MAPRE2: variants seen among roughly 807,000 people sequenced by gnomAD.
MAPRE2 encodes microtubule associated protein RP/EB family member 2, also known as microtubule-associated protein RP/EB family member 2.
A neutral mutation model predicts 43.2 loss-of-function variants in MAPRE2; 13 were observed. The observed-to-expected ratio is 0.30, with a 90% CI of 0.20 to 0.48. MAPRE2 has a LOEUF of 0.48. MAPRE2 is among the 20% of genes least tolerant of loss of function. The pLI is 0.99. For synonymous variants in MAPRE2, 135 were observed against 148.8 expected (o/e 0.91, Z 0.68); for missense variants, 161 against 400.2 (o/e 0.40, Z 5.10).
At chr18:35,078,607 G>C (rs1907484249) in intron 2 of MAPRE2, among the ~76,000 whole-genome samples, 1 of 152,180 alleles carries the variant, frequency 6.6e-6, no homozygotes, top group Non-Finnish European at 1.5e-5. Context: ...TCATAGCCCA[G>C]TACTCTCATT....
intron 1 of MAPRE2, among the ~76,000 whole-genome samples, chr18:35,042,924 CA>C (rs10549925): frequency 0.65 from 96,501 of 149,592 alleles, 31,279 homozygotes; most frequent in African/African-American, 0.75. Context: ...TTTGTTGACT[CA>C]AAAAAAAAAA....
chr18:35,073,782 C>G (rs1309483243), intron 2 of MAPRE2, among the ~76,000 whole-genome samples: 2 of 152,164 alleles, frequency 1.3e-5, no homozygotes, highest in Non-Finnish European at 2.9e-5. Flanking sequence ...GTGTTTTACT[C>G]AGTATTTTCT....
At chr18:34,978,811 A>G (rs2097014584) in intron 1 of MAPRE2, among the ~76,000 whole-genome samples, 1 of 152,190 alleles carries the variant, frequency 6.6e-6, no homozygotes, top group African/African-American at 2.4e-5. Context: ...TGCTTCTTCA[A>G]AGCACTGGTT....
At chr18:35,005,021 C>A (rs1036311148) in intron 1 of MAPRE2, among the ~76,000 whole-genome samples, 4 of 150,128 alleles carry the variant, frequency 2.7e-5, no homozygotes, top group East Asian at 2.1e-4. Flanking sequence ...AATTAAAAAT[C>A]TTTTTGACTA....
intron 1 of MAPRE2, among the ~76,000 whole-genome samples, chr18:35,000,750 T>C (rs1298475649): frequency 1.3e-5 from 2 of 152,170 alleles, no homozygotes; most frequent in East Asian, 1.9e-4. Context: ...TGCTCATTTC[T>C]GAGGAGCTGC....
chr18:35,133,641 T>C (rs1603404440), intron 6 of MAPRE2, among the ~76,000 whole-genome samples: 1 of 152,222 alleles, frequency 6.6e-6, no homozygotes, highest in Non-Finnish European at 1.5e-5. Flanking sequence ...GGATCAAATC[T>C]TCTTCCCAGC....
At chr18:35,038,677 C>T (rs939433078), upstream of MAPRE2, among the ~76,000 whole-genome samples, 9 of 152,320 alleles carry the variant, frequency 5.9e-5, no homozygotes, top group South Asian at 2.1e-4. Context: ...CGTACCATTC[C>T]GCTTCCCAAA....
At chr18:35,040,076 G>A (rs1004845848), upstream of MAPRE2, among the ~76,000 whole-genome samples, 3 of 152,310 alleles carry the variant, frequency 2.0e-5, no homozygotes, top group South Asian at 2.1e-4. Context: ...GGCGGCGTGC[G>A]CCTGTTATCC....
intron 4 of MAPRE2, among the ~76,000 whole-genome samples, chr18:35,121,535 A>G (rs1396150764): frequency 6.6e-6 from 1 of 152,162 alleles, no homozygotes. Flanking sequence ...CTTGAGGGCA[A>G]AATGGTTACT....
At chr18:35,081,975 C>T (rs1907655243) in intron 2 of MAPRE2, 1 of 152,108 alleles carries the variant, frequency 6.6e-6, no homozygotes, top group Non-Finnish European at 1.5e-5. Flanking sequence ...TTCTTACTTG[C>T]AATTTAATTT....
At position 35,041,498 on chromosome 18, in the gene MAPRE2, G is replaced by A; in HGVS notation, c.-42G>A. 1.2e-6 allele frequency: 2 copies of A among 1,613,796 alleles called. No individual in the cohort carries two copies. The highest frequency in any genetic ancestry group is 1.7e-6 in the Non-Finnish European group (2 of 1,179,900). Reference sequence around the variant, plus strand: ...GAAGACGCAGCCACCTTCCTCACCAGCCAGCCCACAGCGGTTTGTTCCCCT... The same window carrying A: ...GAAGACGCAGCCACCTTCCTCACCAACCAGCCCACAGCGGTTTGTTCCCCT... On this transcript the variant is annotated 5_prime_UTR_variant, in exon 1 of 7. Transcript: ENST00000300249.
chr18:35,138,475 CAAT>C (rs1910488117), intron 6 of MAPRE2, among the ~76,000 whole-genome samples: 1 of 152,120 alleles, frequency 6.6e-6, no homozygotes, highest in African/African-American at 2.4e-5. Context: ...GTTTTCAACA[CAAT>C]GTCACTGTCT....
intron 5 of MAPRE2, among the ~76,000 whole-genome samples, chr18:35,128,970 A>G (rs944291290): frequency 6.6e-6 from 1 of 152,116 alleles, no homozygotes; most frequent in African/African-American, 2.4e-5. Flanking sequence ...TCCCCAGGGA[A>G]CTCAGACCTC....
At chr18:35,012,817 G>A (rs1603389973) in intron 2 of MAPRE2, among the ~76,000 whole-genome samples, 1 of 152,160 alleles carries the variant, frequency 6.6e-6, no homozygotes, top group African/African-American at 2.4e-5. Context: ...TCTGGAGAAG[G>A]ATGGTGGTGA....
chr18:35,064,845 C>T (rs1019097762), intron 1 of MAPRE2, among the ~76,000 whole-genome samples: 10 of 152,252 alleles, frequency 6.6e-5, no homozygotes, highest in South Asian at 2.1e-4. Context: ...GCAAAATCTA[C>T]ACATTGGCCC....
chr18:35,116,979 A>G (rs940053663), intron 4 of MAPRE2, among the ~76,000 whole-genome samples: 12 of 152,202 alleles, frequency 7.9e-5, no homozygotes, highest in Admixed American at 7.9e-4. Context: ...TATTATAGAA[A>G]ACACATTAGA....
At chr18:35,086,191 G>A (rs576100134) in intron 2 of MAPRE2, among the ~76,000 whole-genome samples, 1 of 152,066 alleles carries the variant, frequency 6.6e-6, no homozygotes, top group African/African-American at 2.4e-5. Flanking sequence ...CTGGCTTGAT[G>A]TGTTTTTCCA....
At chr18:34,992,806 C>T (rs1028443031) in intron 1 of MAPRE2, among the ~76,000 whole-genome samples, 2 of 152,110 alleles carry the variant, frequency 1.3e-5, no homozygotes, top group Non-Finnish European at 1.5e-5. Flanking sequence ...AATACGAAAG[C>T]GGTGTGATTT....
chr18:35,121,612 A>G (rs111997301), intron 4 of MAPRE2, among the ~76,000 whole-genome samples: 136 of 152,326 alleles, frequency 8.9e-4, no homozygotes, highest in Non-Finnish European at 1.3e-3. Context: ...AAAAAATTTG[A>G]AATGTTTGAA....
Sources: allele counts gnomAD v4.1 joint callset (sites outside exome capture counted in the v4.1 genomes callset), GRCh38; gene constraint gnomAD v4.1.1; transcripts MANE v1.5; gene names NCBI Gene and HGNC (gene_info 2026-07-23, HGNC 2026-07-21).